HEATR1: variants seen among roughly 807,000 people sequenced by gnomAD.
HEATR1 encodes the protein HEAT repeat-containing protein 1.
In HEATR1, 77 loss-of-function variants were observed where a neutral mutation model predicts 248.2. That is an observed-to-expected ratio of 0.31 (90% CI 0.26 to 0.37). The LOEUF (loss-of-function observed/expected upper bound fraction) is 0.37. Ranked by LOEUF, HEATR1 falls within the 10% of genes least tolerant of loss-of-function variation. HEATR1 has a pLI of 1.00. For synonymous variants in HEATR1, 897 were observed against 923.1 expected, an observed-to-expected ratio of 0.97 and a Z score of 0.51; for missense variants, 2,420 against 2,504.9, an observed-to-expected ratio of 0.97 and a Z score of 0.72.
chr1:236,571,092 C>T (rs1221143212), intron 28 of HEATR1, among the ~76,000 whole-genome samples: 1 of 152,162 alleles, frequency 6.6e-6, no homozygotes, highest in African/African-American at 2.4e-5. Flanking sequence ...GTACTAACCA[C>T]AAATTATCCA....
chr1:236,579,626 T>TA (rs1227628248), intron 20 of HEATR1, among the ~76,000 whole-genome samples: 7 of 152,222 alleles, frequency 4.6e-5, no homozygotes, highest in African/African-American at 1.7e-4. Context: ...AAATTAAAGT[T>TA]AAAAAATGTA....
At chr1:236,557,549 T>G (rs537251556) in intron 36 of HEATR1, among the ~76,000 whole-genome samples, 1 of 152,300 alleles carries the variant, frequency 6.6e-6, no homozygotes, top group East Asian at 1.9e-4. Context: ...CAACAGTAAT[T>G]TAAAAAATAA....
In HEATR1 at chr1:236,586,454, TA is replaced by T. The variant is rs896020576; in HGVS notation, c.1716-3del. Reference sequence around the variant, plus strand: ...GCGGCTATCTTAAGTACCTCGTACCTAAAAGACATGCAAGCACACTTGGTTG... The same window carrying T: ...GCGGCTATCTTAAGTACCTCGTACCTAAAGACATGCAAGCACACTTGGTTG... On this transcript the variant is annotated splice_region_variant and splice_polypyrimidine_tract_variant and intron_variant, in intron 14 of 44. Transcript: ENST00000366582. 8 of 1,600,508 alleles carry T rather than the reference TA, an allele frequency of 5.0e-6. No homozygotes were observed. The highest frequency in any genetic ancestry group is 1.3e-5 in the African/African-American group (1 of 74,538).
In HEATR1 at chr1:236,595,657, A is replaced by C. The variant is rs200588560; in HGVS notation, c.973T>G (p.Cys325Gly). The C allele has an allele frequency of 1.2e-6, 2 of 1,612,152 alleles. No individual in the cohort carries two copies. Among genetic ancestry groups the C allele is most frequent in the South Asian group, 1.1e-5 (1 of 90,646 alleles). The change falls in exon 8 of 45, where the codon TGT becomes GGT. Residue 325 changes from cysteine to glycine, a missense_variant. Coordinates refer to ENST00000366582, the MANE Select transcript of HEATR1 (RefSeq NM_018072.6). ...SLGKKPFPHLCNVPDLITILH... is the reference protein window; with the variant it reads ...SLGKKPFPHLGNVPDLITILH... ...ATTGTAATAAGATCAGGAACATTAC[A>C]TAAGTGAGGGAATGGCCTTTGAAGA...
chr1:236,562,483 C>T (rs1007747378), intron 32 of HEATR1, among the ~76,000 whole-genome samples: 2 of 152,212 alleles, frequency 1.3e-5, no homozygotes, highest in African/African-American at 2.4e-5. Context: ...AGGGCCAGCA[C>T]TTGGACCATT....
Position 236,550,877 on chromosome 1 carries a change from A to G in HEATR1, c.*25T>C. 2.6e-6 allele frequency: 4 copies of G among 1,530,966 alleles called. No homozygotes were observed. The highest frequency in any genetic ancestry group is 3.5e-6 in the Non-Finnish European group (4 of 1,129,666). 94.8% of individuals were successfully genotyped at this position (1,530,966 alleles called of 1,614,324 possible). A position where few individuals can be genotyped will look rare whatever the true frequency, so the allele number is the denominator to read the frequency against. On this transcript the variant is annotated 3_prime_UTR_variant, in exon 45 of 45. Transcript: ENST00000366582. ...TGAAATATGAGTGTGAACTCTGAGT[A>G]GAGTATGAAACACCACAGAAAGTCT...
chr1:236,603,332 C>T lies in HEATR1; in HGVS notation c.187G>A (p.Glu63Lys). 1.3e-5 allele frequency: 21 copies of T among 1,614,108 alleles called. No homozygotes were observed. The highest frequency in any genetic ancestry group is 1.8e-5 in the Non-Finnish European group (21 of 1,180,016). Residue 63 changes from glutamate to lysine, a missense_variant, in exon 3 of 45, where the codon GAG (glutamate) becomes AAG (lysine). Physicochemically the swap from Glu to Lys is moderately conservative, Grantham distance 56. Coordinates refer to ENST00000366582, the MANE Select transcript of HEATR1 (RefSeq NM_018072.6). ...CTGAACAACGGTGCTTCAAACTGCT[C>T]AAAGGAAGGATCAATTCCAAGCAAC... ...EELLGIDPSF[E>K]QFEAPLFSQL...
At chr1:236,579,259 C>T (rs1663645824) in intron 20 of HEATR1, among the ~76,000 whole-genome samples, 1 of 152,200 alleles carries the variant, frequency 6.6e-6, no homozygotes, top group South Asian at 2.1e-4. Flanking sequence ...CCCTCCCAGC[C>T]CCCTGCAGCT....
chr1:236,583,967 A>C (rs1361656767), intron 17 of HEATR1, among the ~76,000 whole-genome samples: 1 of 152,168 alleles, frequency 6.6e-6, no homozygotes, highest in Non-Finnish European at 1.5e-5. Context: ...ATTATACTGT[A>C]AGTGCCAAAA....
rs1663259171 is a variant in HEATR1, at chr1:236,566,034, T to C, written c.4320A>G (p.Leu1440=). The C allele has an allele frequency of 6.2e-7, 1 of 1,613,496 alleles. No homozygotes were observed. Among genetic ancestry groups the C allele is most frequent in the Non-Finnish European group, 8.5e-7 (1 of 1,179,844 alleles). ...AAAYGEKDAI[L]EADTEFWFSV... Reference sequence around the variant, plus strand: ...AAAACCAAAATTCAGTGTCTGCTTCTAAAATAGCATCCTGTGTAGAAAAAG... The same window carrying C: ...AAAACCAAAATTCAGTGTCTGCTTCCAAAATAGCATCCTGTGTAGAAAAAG... The change falls in exon 31 of 45, where the codon TTA becomes TTG. Residue 1440 remains leucine (L), a synonymous_variant. Coordinates refer to ENST00000366582, the MANE Select transcript of HEATR1 (RefSeq NM_018072.6).
intron 3 of HEATR1, among the ~76,000 whole-genome samples, chr1:236,600,960 A>G (rs1249284965): frequency 6.6e-6 from 1 of 152,240 alleles, no homozygotes; most frequent in Non-Finnish European, 1.5e-5. Context: ...CAAAACAGTA[A>G]TCAACGGCAA....
At position 236,576,826 on chromosome 1, in the gene HEATR1, A is replaced by G; in HGVS notation, c.2879T>C (p.Ile960Thr). The change falls in exon 21 of 45, where the codon ATT becomes ACT. Residue 960 changes from isoleucine to threonine, a missense_variant. Transcript: ENST00000366582. ...TGAAGTGATCTCCTCTGCTTTAGAA[A>G]TCAAATGATCTATTATCAGATAAAA... Reference protein sequence around the residue: ...SPFYLIIDHLISKAEEITSDA... With the variant: ...SPFYLIIDHLTSKAEEITSDA... 1 of 1,614,032 alleles carries G rather than the reference A, an allele frequency of 6.2e-7. No individual in the cohort carries two copies. The highest frequency in any genetic ancestry group is 1.1e-5 in the South Asian group (1 of 91,032).
intron 36 of HEATR1, 44 bp downstream of exon 36, chr1:236,558,193 T>C: frequency 6.4e-7 from 1 of 1,561,398 alleles, no homozygotes; most frequent in Non-Finnish European, 8.6e-7. Context: ...TTTCAATGTG[T>C]GCCAGGCGGT....
intron 15 of HEATR1, 28 bp from the exon 16 acceptor site, chr1:236,585,969 C>T: frequency 1.2e-6 from 2 of 1,611,694 alleles, no homozygotes; most frequent in Middle Eastern, 1.7e-4. Context: ...ATGCAGAGAG[C>T]TCTTATGTCA....
Position 236,553,593 on chromosome 1 carries a change from GTC to G in HEATR1, c.6223_6224del (p.Asp2075LeufsTer4). 6.2e-7 allele frequency: 1 copy of G among 1,613,796 alleles called. No homozygotes were observed. The highest frequency in any genetic ancestry group is 1.7e-4 in the Middle Eastern group (1 of 6,060). On this transcript the variant is annotated frameshift_variant, in exon 43 of 45. Coordinates refer to ENST00000366582, the MANE Select transcript of HEATR1 (RefSeq NM_018072.6). LOFTEE classifies it high-confidence loss of function. ...LNYQILLKTR[D>X]SSPKVRFAAL... ...CGCAGTTCCTAACCTTAGGCGAGGA[GTC>G]TCTCGTCTTTAGCAGAATCTGGTAG...
At chr1:236,593,301 G>T (rs1406240742) in intron 9 of HEATR1, among the ~76,000 whole-genome samples, 2 of 151,996 alleles carry the variant, frequency 1.3e-5, no homozygotes, top group African/African-American at 4.8e-5. Context: ...GCCACAGAGT[G>T]GGGTTTCACA....
chr1:236,550,931 G>A lies in HEATR1; in HGVS notation c.6406C>T (p.Leu2136=), dbSNP rs145439234. The change falls in exon 45 of 45, where the codon CTG becomes TTG. Residue 2136 remains leucine (L), a synonymous_variant. Coordinates refer to ENST00000366582, the MANE Select transcript of HEATR1 (RefSeq NM_018072.6). ...AAATAGCTCTGGAGTGGCTCTCCCA[G>A]GACAGTTTCCAGTTGCTGAATAGTC... ...QKTIQQLETV[L]GEPLQSYF 4.9e-5 allele frequency: 79 copies of A among 1,608,458 alleles called. No homozygotes were observed. The highest frequency in any genetic ancestry group is 6.5e-5 in the Non-Finnish European group (77 of 1,178,668).
chr1:236,591,465 A>T (rs1664036284), intron 11 of HEATR1, among the ~76,000 whole-genome samples: 1 of 152,204 alleles, frequency 6.6e-6, no homozygotes, highest in African/African-American at 2.4e-5. Context: ...TAAAACAATC[A>T]TATTTCTCTT....
chr1:236,596,091 T>C, intron 6 of HEATR1, 47 bp from the exon 7 acceptor site: 2 of 1,365,378 alleles, frequency 1.5e-6, no homozygotes, highest in Non-Finnish European at 2.1e-6. Flanking sequence ...CATATTATTT[T>C]CTGCTACTTT....
Sources: gnomAD v4.1 joint callset for allele counts (sites outside exome capture counted in the v4.1 genomes callset) on GRCh38, gnomAD v4.1.1 for gene constraint, MANE v1.5 for transcripts, NCBI Gene and HGNC (gene_info 2026-07-23, HGNC 2026-07-21) for gene names.